Variants in IPO8 observed in about 807,000 individuals in gnomAD.
IPO8 encodes the protein importin-8.
In IPO8, 65 loss-of-function variants were observed where a neutral mutation model predicts 141.2. The ratio of observed to expected loss-of-function variants is 0.46; its 90% CI spans 0.38 to 0.57. The LOEUF is 0.57. IPO8 is among the 20% of genes least tolerant of loss of function. The pLI, the probability that IPO8 is intolerant of heterozygous loss-of-function variation, is 0.00. For missense variants in IPO8, 980 were observed against 1,246.8 expected, an observed-to-expected ratio of 0.79 and a Z score of 3.22; for synonymous variants, 411 against 420.3, an observed-to-expected ratio of 0.98 and a Z score of 0.27.
In IPO8 at chr12:30,689,442, G is replaced by T. The variant is rs943243348; in HGVS notation, c.166+1054C>A. 2.0e-5 allele frequency among the ~76,000 whole-genome samples: 3 copies of T among 152,072 alleles called. No homozygotes were observed. In the South Asian group the frequency reaches 6.2e-4, roughly 32 times the overall value. ...AATTGTGGTTTCAAAAATTTACACA[G>T]AAGTCTTGTAAACCTTATAAAAGCA... On this transcript the variant is annotated intron_variant, in intron 2 of 24. Coordinates refer to ENST00000256079, the MANE Select transcript of IPO8 (RefSeq NM_006390.4).
chr12:30,642,354 C>T (rs1479736626), intron 20 of IPO8, among the ~76,000 whole-genome samples: 1 of 152,072 alleles, frequency 6.6e-6, no homozygotes. Context: ...ATCTGGACAA[C>T]AGGTTCAATA....
rs768825688 is a variant in IPO8, at chr12:30,680,577, T to C, written c.544A>G (p.Ile182Val). 6.2e-7 allele frequency: 1 copy of C among 1,612,696 alleles called. No homozygotes were observed. The highest frequency in any genetic ancestry group is 1.1e-5 in the South Asian group (1 of 91,002). The change falls in exon 5 of 25, where the codon ATT becomes GTT. Residue 182 changes from isoleucine (I) to valine (V), a missense_variant. By Grantham distance (29) the Ile-to-Val change is conservative. Transcript: ENST00000256079. ...AGGAGCTGAACAATTTGTTGCTGAA[T>C]ACGAGGCAGGAATATCTGCATTGCT... is the stretch of plus-strand genomic sequence containing the variant. ...IIAMQIFLPR[I>V]QQQIVQLLPD...
intron 20 of IPO8, among the ~76,000 whole-genome samples, chr12:30,642,263 A>G (rs1265064314): frequency 1.3e-5 from 2 of 152,174 alleles, no homozygotes; most frequent in African/African-American, 4.8e-5. Context: ...GATGGAAATA[A>G]TAGGTACGGG....
intron 20 of IPO8, among the ~76,000 whole-genome samples, chr12:30,645,193 C>T (rs892896783): frequency 6.6e-6 from 1 of 151,204 alleles, no homozygotes; most frequent in African/African-American, 2.4e-5. Flanking sequence ...GCCAACATGG[C>T]GAAACCCCAT....
chr12:30,636,840 C>T (rs2052508575), intron 22 of IPO8, 142 bp downstream of exon 22: 1 of 719,686 alleles, frequency 1.4e-6, no homozygotes, highest in Non-Finnish European at 2.3e-6. Context: ...AGCAAGTCAA[C>T]CAAGCCCAAA....
Position 30,680,634 on chromosome 12 carries a change from T to G in IPO8, c.487A>C (p.Lys163Gln). Reference sequence around the variant, plus strand: ...AGAGGTTCTCTCTCTTCTGCTTTCTTATATCTACATGAGCAAAGACAAAAA... The same window carrying G: ...AGAGGTTCTCTCTCTTCTGCTTTCTGATATCTACATGAGCAAAGACAAAAA... ...LYQLVKTYEY[K>Q]KAEEREPLII... The change falls in exon 5 of 25, where the codon AAG becomes CAG. Residue 163 changes from lysine (K) to glutamine (Q), a missense_variant. Coordinates refer to ENST00000256079, the MANE Select transcript of IPO8 (RefSeq NM_006390.4). 1 of 1,608,138 alleles carries G rather than the reference T, an allele frequency of 6.2e-7. No individual in the cohort carries two copies. Among genetic ancestry groups the G allele is most frequent in the Admixed American group, 1.7e-5 (1 of 59,482 alleles).
At chr12:30,671,668 CTG>C (rs2053052641) in intron 8 of IPO8, among the ~76,000 whole-genome samples, 2 of 110,624 alleles carry the variant, frequency 1.8e-5, no homozygotes, top group Non-Finnish European at 3.5e-5. Context: ...GAGCGAGACT[CTG>C]CCTCAAAAAA....
chr12:30,648,993 T>C, intron 20 of IPO8, 144 bp downstream of exon 20: 1 of 517,236 alleles, frequency 1.9e-6, no homozygotes, highest in South Asian at 3.3e-5. Flanking sequence ...TGGCTCTTTT[T>C]GTCATTTAAA....
At chr12:30,677,368 C>A in intron 5 of IPO8, 1 of 339,704 alleles carries the variant, frequency 2.9e-6, no homozygotes, top group Non-Finnish European at 5.8e-6. Context: ...AACAAACCTA[C>A]TGAATTGCCA....
chr12:30,693,477 A>T (rs757593790), intron 1 of IPO8, among the ~76,000 whole-genome samples: 24 of 152,364 alleles, frequency 1.6e-4, no homozygotes, highest in South Asian at 8.3e-4. Flanking sequence ...ATACCGCAGA[A>T]GCTGCTCCCA....
At position 30,630,690 on chromosome 12, in the gene IPO8, G is replaced by C. The variant is rs1591946749; in HGVS notation, c.*170C>G. Reference sequence around the variant, plus strand: ...CTGTTTAAAATATATATTTCAGGGTGACAAAGGTCAAAGGGGAAAGAGTAG... The same window carrying C: ...CTGTTTAAAATATATATTTCAGGGTCACAAAGGTCAAAGGGGAAAGAGTAG... On this transcript the variant is annotated 3_prime_UTR_variant, in exon 25 of 25. Coordinates refer to ENST00000256079, the MANE Select transcript of IPO8 (RefSeq NM_006390.4). The C allele has an allele frequency of 3.5e-6, 2 of 576,446 alleles. No individual in the cohort carries two copies. Among genetic ancestry groups the C allele is most frequent in the African/African-American group, 3.8e-5 (2 of 52,700 alleles). The allele number at this position is 576,446 out of a possible 1,614,324, so 35.7% of individuals were successfully genotyped here. A position where few individuals can be genotyped will look rare whatever the true frequency, so the allele number is the denominator to read the frequency against.
Position 30,674,885 on chromosome 12 carries a change from ATTCT to A in IPO8, c.730-136_730-133del, listed in dbSNP as rs1160094909. 1.5e-5 allele frequency: 10 copies of A among 673,978 alleles called. No individual in the cohort carries two copies. The East Asian group carries it at 2.6e-4, about 18-fold the overall frequency. 41.7% of individuals were successfully genotyped at this position (673,978 alleles called of 1,614,324 possible). The stretch of plus-strand genomic sequence containing the variant: ...AAGTTAGATTGCTATACAAATGAAA[ATTCT>A]TTATAGATTGCTAGGCAGGAATTAA... On this transcript the variant is annotated intron_variant, in intron 6 of 24. Transcript: ENST00000256079.
At chr12:30,655,698 T>C (rs1352617554) in intron 17 of IPO8, among the ~76,000 whole-genome samples, 1 of 152,238 alleles carries the variant, frequency 6.6e-6, no homozygotes, top group Non-Finnish European at 1.5e-5. Flanking sequence ...TAAGGCTGAA[T>C]AGTATCCCAC....
Position 30,695,335 on chromosome 12 carries a change from A to G in IPO8, c.84+229T>C, listed in dbSNP as rs759222298. Among the ~76,000 whole-genome samples, 10 of 152,226 alleles carry G rather than the reference A, an allele frequency of 6.6e-5. No homozygotes were observed. The highest frequency in any genetic ancestry group is 1.3e-4 in the Admixed American group (2 of 15,288). On this transcript the variant is annotated intron_variant, in intron 1 of 24. Coordinates refer to ENST00000256079, the MANE Select transcript of IPO8 (RefSeq NM_006390.4). The surrounding 1 kb of genome is among the most constrained non-coding windows in gnomAD (Gnocchi z 4.2). ...AACTGCCCTGGAGAAGGGAGACGAC[A>G]CGAAAAGGTGCAAAGGTGGCCAACA...
At chr12:30,631,771 ATCTTAAAGGGTAAGTC>A (rs2136121026) in intron 24 of IPO8, 108 bp downstream of exon 24, 1 of 649,668 alleles carries the variant, frequency 1.5e-6, no homozygotes, top group East Asian at 2.6e-5. Flanking sequence ...ATTCCTTATT[ATCTTAAAGGGTAAGTC>A]TCTAACAATT....
chr12:30,662,012 T>C (rs1022405792), intron 15 of IPO8, among the ~76,000 whole-genome samples: 9 of 152,320 alleles, frequency 5.9e-5, no homozygotes, highest in African/African-American at 1.9e-4. Context: ...TTGAACATCA[T>C]TGAATGTACT....
chr12:30,666,407 C>A (rs2052966233), intron 10 of IPO8, among the ~76,000 whole-genome samples, 156 bp from the exon 11 acceptor site: 1 of 152,186 alleles, frequency 6.6e-6, no homozygotes, highest in Non-Finnish European at 1.5e-5. Flanking sequence ...TACAGTGGCA[C>A]CACAACATTG....
In IPO8 at chr12:30,649,140, A is replaced by T; in HGVS notation, c.2265T>A (p.Asp755Glu). The change falls in exon 20 of 25, where the codon GAT becomes GAA. Residue 755 changes from aspartate to glutamate, a missense_variant. By Grantham distance (45) the Asp-to-Glu change is conservative (BLOSUM62 2). Transcript: ENST00000256079. ...GCACTTTCCAGACATATATTACCTG[A>T]TCAATTCCCCTTCCTTTGCACTGAA... ...IILQCKGRGI[D>E]QCIPLFVQLV... is the part of the protein sequence containing the mutation. 1 of 1,607,990 alleles carries T rather than the reference A, an allele frequency of 6.2e-7. No homozygotes were observed. Among genetic ancestry groups the T allele is most frequent in the Non-Finnish European group, 8.5e-7 (1 of 1,174,632 alleles).
In IPO8 at chr12:30,656,702, G is replaced by A. The variant is rs143968794; in HGVS notation, c.1930C>T (p.Leu644=). Residue 644 remains leucine (L), a synonymous_variant, in exon 17 of 25, where the codon CTG becomes TTG. Coordinates refer to ENST00000256079, the MANE Select transcript of IPO8 (RefSeq NM_006390.4). The part of the protein sequence containing the change: ...NICLRIIDLV[L]QKHVIEFYEE... ...AACTTACCAATTACATGTTTCTGCA[G>A]AACAAGATCAATGATCCGTAGACAG... 158 of 1,560,864 alleles carry A rather than the reference G, an allele frequency of 1.0e-4. No homozygotes were observed. The African/African-American group carries it at 1.7e-3, about 17-fold the overall frequency.
Sources: allele counts gnomAD v4.1 joint callset (sites outside exome capture counted in the v4.1 genomes callset), GRCh38; gene constraint gnomAD v4.1.1; non-coding constraint Gnocchi (gnomAD v3.1); transcripts MANE v1.5; gene names NCBI Gene and HGNC (gene_info 2026-07-23, HGNC 2026-07-21).